ZNF536: variants seen among roughly 807,000 people sequenced by gnomAD.
The protein encoded by ZNF536 is zinc finger protein 536.
A neutral mutation model predicts 84.5 loss-of-function variants in ZNF536; 13 were observed. The observed-to-expected ratio is 0.15, with a 90% confidence interval of 0.10 to 0.24. The LOEUF (loss-of-function observed/expected upper bound fraction) is 0.24. ZNF536 is among the 10% of genes least tolerant of loss of function. The pLI is 1.00. For missense variants in ZNF536, 1,536 were observed against 1,747.5 expected (o/e 0.88, Z 2.16); for synonymous variants, 811 against 742.5 (o/e 1.09, Z -1.50).
At chr19:30,637,229 C>A (rs547942106) in intron 1 of ZNF536, among the ~76,000 whole-genome samples, 1 of 152,306 alleles carries the variant, frequency 6.6e-6, no homozygotes, top group Admixed American at 6.5e-5. Flanking sequence ...GGAACCTTTC[C>A]CCATACAGGC....
At chr19:30,351,938 C>T (rs1371314813) in intron 2 of ZNF536, among the ~76,000 whole-genome samples, 1 of 152,234 alleles carries the variant, frequency 6.6e-6, no homozygotes, top group Non-Finnish European at 1.5e-5. Flanking sequence ...ACTTCCCGCT[C>T]CTGCCAATAT....
chr19:30,564,557 G>T (rs895363530), intron 1 of ZNF536, among the ~76,000 whole-genome samples: 2 of 152,110 alleles, frequency 1.3e-5, no homozygotes. Context: ...CTGGGGAGAA[G>T]GGTGCTCAGT....
intron 2 of ZNF536, among the ~76,000 whole-genome samples, chr19:30,324,094 CATCT>C (rs988386832): frequency 3.3e-5 from 5 of 151,934 alleles, no homozygotes; most frequent in Middle Eastern, 3.4e-3. Flanking sequence ...TCTATTCATC[CATCT>C]ATCATCCATC....
intron 1 of ZNF536, among the ~76,000 whole-genome samples, chr19:30,677,354 T>G (rs1215860760): frequency 5.9e-5 from 9 of 152,208 alleles, no homozygotes; most frequent in Non-Finnish European, 1.5e-5. Context: ...GGCATTGGAG[T>G]TGGCCCTATC....
intron 1 of ZNF536, among the ~76,000 whole-genome samples, chr19:30,239,053 G>A (rs1487519019): frequency 6.6e-6 from 1 of 152,150 alleles, no homozygotes; most frequent in Non-Finnish European, 1.5e-5. Flanking sequence ...AGGAAAAGGT[G>A]GAATTCTGGG....
intron 2 of ZNF536, among the ~76,000 whole-genome samples, chr19:30,317,305 C>G (rs946116505): frequency 1.3e-5 from 2 of 152,168 alleles, no homozygotes; most frequent in Non-Finnish European, 2.9e-5. Flanking sequence ...CAGCTGGGTC[C>G]TGTCAGAGCA....
At chr19:30,493,028 C>A (rs1474455699) in intron 2 of ZNF536, among the ~76,000 whole-genome samples, 1 of 148,128 alleles carries the variant, frequency 6.8e-6, no homozygotes, top group Non-Finnish European at 1.5e-5. Flanking sequence ...TTTGAGTCTG[C>A]AGTATTTTTT....
intron 1 of ZNF536, among the ~76,000 whole-genome samples, chr19:30,588,485 A>T (rs1229308738): frequency 6.6e-6 from 1 of 152,164 alleles, no homozygotes; most frequent in Non-Finnish European, 1.5e-5. Context: ...GAAGCACATG[A>T]GGTGGCAGTT....
At chr19:30,703,946 T>C (rs2052109141) in intron 1 of ZNF536, among the ~76,000 whole-genome samples, 1 of 152,178 alleles carries the variant, frequency 6.6e-6, no homozygotes, top group African/African-American at 2.4e-5. Context: ...GCTAGTAGCT[T>C]AGCAGCCTTA....
At chr19:30,555,854 G>A (rs1468489032) in intron 4 of ZNF536, 5 of 152,248 alleles carry the variant, frequency 3.3e-5, no homozygotes. Context: ...GGCATAGGAA[G>A]ACAACCACAA....
chr19:30,512,815 C>A (rs542639001), intron 2 of ZNF536, among the ~76,000 whole-genome samples: 4 of 152,334 alleles, frequency 2.6e-5, no homozygotes, highest in Admixed American at 2.0e-4. Flanking sequence ...GAATTACTTT[C>A]TAGCAATCTA....
Position 30,445,583 on chromosome 19 carries a change from C to T in ZNF536, c.2021C>T (p.Ser674Leu), listed in dbSNP as rs1358345335. 5 of 1,613,000 alleles carry T rather than the reference C, an allele frequency of 3.1e-6. No individual in the cohort carries two copies. The highest frequency in any genetic ancestry group is 3.4e-6 in the Non-Finnish European group (4 of 1,179,684). The change falls in exon 2 of 5, where the codon TCG becomes TTG. Residue 674 changes from serine (S) to leucine (L), a missense_variant. Physicochemically the swap from Ser to Leu is moderately radical, Grantham distance 145. This residue lies in a region of ZNF536 where 148 missense variants were observed against 205.4 expected (regional missense o/e 0.72). Transcript: ENST00000355537. The surrounding 1 kb of genome is among the most constrained non-coding windows in gnomAD (Gnocchi z 4.5). ...LHVGLDERRGSGSDQESQSVS... is the reference protein window; with the variant it reads ...LHVGLDERRGLGSDQESQSVS... ...GTGGGCCTGGATGAGCGGCGTGGCTCGGGCAGTGACCAGGAGTCCCAGTCG... is the reference window on the plus strand; with the variant it reads ...GTGGGCCTGGATGAGCGGCGTGGCTTGGGCAGTGACCAGGAGTCCCAGTCG...
upstream of ZNF536, among the ~76,000 whole-genome samples, chr19:30,226,010 A>C (rs2022590641): frequency 6.6e-6 from 1 of 151,388 alleles, no homozygotes; most frequent in African/African-American, 2.4e-5. The surrounding 1 kb of genome is among the most constrained non-coding windows in gnomAD (Gnocchi z 4.6). Context: ...GGCGCTAGAG[A>C]ACTTCGGCGG....
At chr19:30,534,625 A>G (rs2044991901) in intron 2 of ZNF536, among the ~76,000 whole-genome samples, 1 of 152,254 alleles carries the variant, frequency 6.6e-6, no homozygotes, top group Admixed American at 6.5e-5. Context: ...TCAGTTCAAT[A>G]TAAAGGTACC....
chr19:30,632,271 A>G (rs997148504), intron 1 of ZNF536, among the ~76,000 whole-genome samples: 49 of 152,134 alleles, frequency 3.2e-4, no homozygotes, highest in African/African-American at 1.2e-3. Context: ...TTACTCTAGA[A>G]TGTTGTTACA....
chr19:30,645,679 T>C (rs2049440009), intron 1 of ZNF536, among the ~76,000 whole-genome samples: 1 of 152,234 alleles, frequency 6.6e-6, no homozygotes, highest in Non-Finnish European at 1.5e-5. Context: ...TCTATATCCA[T>C]ATCTTCTCCA....
At chr19:30,272,847 A>C (rs2025928135) in intron 1 of ZNF536, among the ~76,000 whole-genome samples, 1 of 152,226 alleles carries the variant, frequency 6.6e-6, no homozygotes, top group Non-Finnish European at 1.5e-5. Flanking sequence ...AAGTTTGGGC[A>C]ATTATGTGAT....
chr19:30,275,676 A>G (rs946883130), intron 1 of ZNF536, among the ~76,000 whole-genome samples: 1 of 152,194 alleles, frequency 6.6e-6, no homozygotes, highest in Non-Finnish European at 1.5e-5. Flanking sequence ...TTCTTCATCA[A>G]TAAATGATAA....
chr19:30,692,525 G>A (rs1293663242), intron 1 of ZNF536, among the ~76,000 whole-genome samples: 1 of 152,200 alleles, frequency 6.6e-6, no homozygotes, highest in Non-Finnish European at 1.5e-5. Context: ...AGGTTGTTGT[G>A]GGAAGTTTAA....
Sources: gnomAD v4.1 joint callset for allele counts (sites outside exome capture counted in the v4.1 genomes callset) on GRCh38, gnomAD v4.1.1 for gene constraint, gnomAD v4.1.1 regional missense constraint, Gnocchi (gnomAD v3.1) non-coding constraint, MANE v1.5 for transcripts, NCBI Gene and HGNC (gene_info 2026-07-23, HGNC 2026-07-21) for gene names.